The following EPX variants were observed in gnomAD, a reference collection of about 807,000 sequenced individuals.
The protein encoded by EPX is eosinophil peroxidase.
Under a neutral mutation model 73.0 loss-of-function variants are expected in EPX, and 60 were observed. That is an observed-to-expected ratio of 0.82 (90% CI 0.67 to 1.02). EPX has a LOEUF of 1.02. Among genes scored for constraint, EPX ranks in the 50% least tolerant of loss-of-function variants. The pLI is 0.00. For missense variants in EPX, 950 were observed against 973.9 expected, an observed-to-expected ratio of 0.98 and a Z score of 0.33; for synonymous variants, 347 against 389.2, an observed-to-expected ratio of 0.89 and a Z score of 1.28.
At chr17:58,199,307 C>T (rs1968305594) in intron 8 of EPX, 107 bp downstream of exon 8, 1 of 1,282,180 alleles carries the variant, frequency 7.8e-7, no homozygotes, top group South Asian at 1.3e-5. Context: ...GTCTGGGCAA[C>T]TGGCGGAGCA....
intron 9 of EPX, among the ~76,000 whole-genome samples, 168 bp from the exon 10 acceptor site, chr17:58,200,057 T>A (rs1055354917): frequency 6.6e-6 from 1 of 152,202 alleles, no homozygotes; most frequent in Non-Finnish European, 1.5e-5. Context: ...AAGAAGTACC[T>A]CCCAGCTCCA....
rs1042647840 is a variant in EPX at position 58,204,345 on chromosome 17, A to G, written c.2070A>G (p.Arg690=). ...CCACGGTTTCAAGGGACATCTTCAG[A>G]GCCAACATCTACCCTCGGGGCTTTG... ...GITTVSRDIF[R]ANIYPRGFVN... The change falls in exon 12 of 13, where the codon AGA becomes AGG. Residue 690 remains arginine, a synonymous_variant. Transcript: ENST00000225371. The G allele has an allele frequency of 6.2e-7, 1 of 1,614,016 alleles. No homozygotes were observed.
intron 7 of EPX, among the ~76,000 whole-genome samples, chr17:58,198,160 T>G (rs746849543): frequency 6.6e-6 from 1 of 152,208 alleles, no homozygotes; most frequent in African/African-American, 2.4e-5. Flanking sequence ...AAATGTGCCA[T>G]CTCTAAACCT....
At position 58,204,238 on chromosome 17, in the gene EPX, C is replaced by G. The variant is rs570056910; in HGVS notation, c.1963C>G (p.Arg655Gly). 6.2e-7 allele frequency: 1 copy of G among 1,613,964 alleles called. No individual in the cohort carries two copies. The highest frequency in any genetic ancestry group is 8.5e-7 in the Non-Finnish European group (1 of 1,179,842). ...GCCTGGTAGGTTCTGGTGGCAGAAA[C>G]GAGGTGTTTTCACCAAAAGACAGCG... Reference protein sequence around the residue: ...RDGDRFWWQKRGVFTKRQRKA... With the variant: ...RDGDRFWWQKGGVFTKRQRKA... Residue 655 changes from arginine to glycine, a missense_variant, in exon 12 of 13, where the codon CGA (arginine) becomes GGA (glycine). Physicochemically the swap from Arg to Gly is moderately radical, Grantham distance 125 (BLOSUM62 -2). Transcript: ENST00000225371.
At chr17:58,200,525 A>G (rs1968326414) in intron 10 of EPX, 130 bp downstream of exon 10, 1 of 970,522 alleles carries the variant, frequency 1.0e-6, no homozygotes, top group Non-Finnish European at 1.6e-6. Flanking sequence ...AGAGGCATGC[A>G]AGGCCAAGGT....
chr17:58,202,587 A>G (rs2143718774), intron 10 of EPX: 1 of 211,758 alleles, frequency 4.7e-6, no homozygotes, highest in Non-Finnish European at 9.6e-6. Context: ...CTCTATATTG[A>G]CCTATGCAGG....
At chr17:58,203,681 C>T (rs1968376751) in intron 11 of EPX, among the ~76,000 whole-genome samples, 1 of 151,884 alleles carries the variant, frequency 6.6e-6, no homozygotes, top group African/African-American at 2.4e-5. Flanking sequence ...GCCTGTAATC[C>T]CAGCACTTTG....
chr17:58,196,327 C>G (rs34212868), intron 6 of EPX, among the ~76,000 whole-genome samples: 9,693 of 152,172 alleles, frequency 0.064, 352 homozygotes, highest in South Asian at 0.11. Flanking sequence ...AGGCTGATCT[C>G]AAACTTCTGG....
intron 8 of EPX, 21 bp downstream of exon 8, chr17:58,199,221 G>A (rs779944202): frequency 7.4e-6 from 12 of 1,611,304 alleles, no homozygotes; most frequent in Non-Finnish European, 1.0e-5. Flanking sequence ...CTGCATCCCA[G>A]CATCCCCCAG....
Position 58,200,219 on chromosome 17 carries a change from C to T in EPX, c.1538-6C>T, listed in dbSNP as rs778518569. On this transcript the variant is annotated splice_region_variant and splice_polypyrimidine_tract_variant and intron_variant, in intron 9 of 12. Transcript: ENST00000225371. ...AATCTGTGCTGCTCACATTCCCTGC[C>T]ACCAGGGGGCATCGACCCCATCCTC... is the stretch of plus-strand genomic sequence containing the variant. 8.1e-6 allele frequency: 13 copies of T among 1,613,818 alleles called. No individual in the cohort carries two copies. The highest frequency in any genetic ancestry group is 5.9e-6 in the Non-Finnish European group (7 of 1,179,908).
chr17:58,205,017 G>T lies in EPX; in HGVS notation c.*293G>T, dbSNP rs1567791977. On this transcript the variant is annotated 3_prime_UTR_variant, in exon 13 of 13. Transcript: ENST00000225371. Reference sequence around the variant, plus strand: ...CCAGGCAAGAAAAGTCAGCTGGAGGGTTTACAGCACTTTCTACTGTTTCCC... The same window carrying T: ...CCAGGCAAGAAAAGTCAGCTGGAGGTTTTACAGCACTTTCTACTGTTTCCC... The T allele has an allele frequency of 6.1e-6, 1 of 164,650 alleles. No homozygotes were observed. The highest frequency in any genetic ancestry group is 1.3e-5 in the Non-Finnish European group (1 of 74,908). The allele number at this position is 164,650 out of a possible 1,614,324, so 10.2% of individuals were successfully genotyped here.
intron 10 of EPX, chr17:58,202,754 T>G (rs1968358167): frequency 2.7e-6 from 1 of 376,928 alleles, no homozygotes; most frequent in African/African-American, 2.1e-5. Flanking sequence ...CTGGGTACTG[T>G]CTTACTTGTG....
intron 5 of EPX, 144 bp from the exon 6 acceptor site, chr17:58,194,820 A>C: frequency 1.4e-6 from 1 of 716,322 alleles, no homozygotes; most frequent in South Asian, 1.5e-5. Flanking sequence ...CTACGCCTCC[A>C]GGGACAAAAG....
Position 58,192,792 on chromosome 17 carries a change from C to A in EPX, c.-55C>A. The stretch of plus-strand genomic sequence containing the variant: ...AGTGAGAGGGGAGCAGAGGATCCTC[C>A]CGTGCAGGCTGTGGATGTCACTCAC... On this transcript the variant is annotated 5_prime_UTR_variant, in exon 1 of 13. Transcript: ENST00000225371. 1 of 1,470,568 alleles carries A rather than the reference C, an allele frequency of 6.8e-7. No homozygotes were observed. The highest frequency in any genetic ancestry group is 1.8e-5 in the Admixed American group (1 of 56,702). 91.1% of individuals were successfully genotyped at this position (1,470,568 alleles called of 1,614,324 possible). A position where few individuals can be genotyped will look rare whatever the true frequency, so the allele number is the denominator to read the frequency against.
At position 58,203,151 on chromosome 17, in the gene EPX, G is replaced by GA; in HGVS notation, c.1784dup (p.Asn595LysfsTer16). The GA allele has an allele frequency of 6.2e-7, 1 of 1,614,230 alleles. No individual in the cohort carries two copies. The highest frequency in any genetic ancestry group is 8.5e-7 in the Non-Finnish European group (1 of 1,180,050). On this transcript the variant is annotated frameshift_variant, in exon 11 of 13. Transcript: ENST00000225371. LOFTEE classifies it high-confidence loss of function. ...ATTTGGCACAGCTTAGCCGGGTGCTGAAAAACCAGGACTTGGCAAGGAAGT... is the reference window on the plus strand; with the variant it reads ...ATTTGGCACAGCTTAGCCGGGTGCTGAAAAAACCAGGACTTGGCAAGGAAGT...
At chr17:58,201,875 C>A (rs1968346722) in intron 10 of EPX, among the ~76,000 whole-genome samples, 1 of 152,222 alleles carries the variant, frequency 6.6e-6, no homozygotes, top group African/African-American at 2.4e-5. Context: ...GCTGAGATCG[C>A]TAGCCACCCA....
At position 58,194,991 on chromosome 17, in the gene EPX, C is replaced by T. The variant is rs763183947; in HGVS notation, c.622C>T (p.Arg208Cys). Residue 208 changes from arginine to cysteine, a missense_variant, in exon 6 of 13, where the codon CGC becomes TGC. Physicochemically the swap from Arg to Cys is radical, Grantham distance 180. Coordinates refer to ENST00000225371, the MANE Select transcript of EPX (RefSeq NM_000502.6). ...CCGGGCTGTCTCCAACCAGATTGTG[C>T]GCTTCCCCAATGAGAGACTGACCTC... The part of the protein sequence containing the change: ...LVRAVSNQIV[R>C]FPNERLTSDR... 2.1e-5 allele frequency: 34 copies of T among 1,613,810 alleles called. No homozygotes were observed. The highest frequency in any genetic ancestry group is 1.7e-4 in the African/African-American group (13 of 74,904).
intron 6 of EPX, among the ~76,000 whole-genome samples, chr17:58,196,051 CTTTT>C (rs1047783173): frequency 5.8e-5 from 8 of 138,376 alleles, no homozygotes; most frequent in South Asian, 2.3e-4. Flanking sequence ...CTTTTTCTTT[CTTTT>C]TCTTTCTTCC....
In EPX at chr17:58,196,992, C is replaced by G; in HGVS notation, c.855C>G (p.Phe285Leu). The G allele has an allele frequency of 6.2e-7, 1 of 1,614,162 alleles. No individual in the cohort carries two copies. The highest frequency in any genetic ancestry group is 8.5e-7 in the Non-Finnish European group (1 of 1,180,020). Residue 285 changes from phenylalanine (F) to leucine (L), a missense_variant, in exon 7 of 13, where the codon TTC becomes TTG. By Grantham distance (22) the Phe-to-Leu change is conservative. Coordinates refer to ENST00000225371, the MANE Select transcript of EPX (RefSeq NM_000502.6). ...ACCAGCGTGACTGCATCCCTTTCTTCCGCTCGGCACCCTCATGCCCCCAAA... is the reference window on the plus strand; with the variant it reads ...ACCAGCGTGACTGCATCCCTTTCTTGCGCTCGGCACCCTCATGCCCCCAAA... ...IKNQRDCIPFFRSAPSCPQNK... is the reference protein window; with the variant it reads ...IKNQRDCIPFLRSAPSCPQNK...
Sources: gnomAD v4.1 joint callset for allele counts (sites outside exome capture counted in the v4.1 genomes callset) on GRCh38, gnomAD v4.1.1 for gene constraint, MANE v1.5 for transcripts, NCBI Gene and HGNC (gene_info 2026-07-23, HGNC 2026-07-21) for gene names.